ITPR2: variants seen among roughly 807,000 people sequenced by gnomAD.
ITPR2 encodes the protein inositol 1,4,5-trisphosphate-gated calcium channel ITPR2.
In ITPR2, 207 loss-of-function variants were observed where a neutral mutation model predicts 317.1. The ratio of observed to expected loss-of-function variants is 0.65; its 90% CI spans 0.58 to 0.73. The LOEUF is 0.73. Among genes scored for constraint, ITPR2 ranks in the 30% least tolerant of loss-of-function variants. The probability of loss-of-function intolerance (pLI) is 0.00; values close to 1 mark genes in which losing one functional copy is unlikely to be tolerated. For synonymous variants in ITPR2, 1,156 were observed against 1,149.1 expected (o/e 1.01, Z -0.12); for missense variants, 2,613 against 3,284.0 (o/e 0.80, Z 4.99).
chr12:26,608,972 A>G (rs751434961), intron 26 of ITPR2, among the ~76,000 whole-genome samples: 1 of 152,174 alleles, frequency 6.6e-6, no homozygotes, highest in Non-Finnish European at 1.5e-5. Flanking sequence ...ACAGGAAGTG[A>G]AAACAGCAAC....
At chr12:26,555,053 C>A (rs1944625790) in intron 36 of ITPR2, among the ~76,000 whole-genome samples, 1 of 152,156 alleles carries the variant, frequency 6.6e-6, no homozygotes, top group Non-Finnish European at 1.5e-5. Flanking sequence ...TGGACAAATA[C>A]ACTCTTCCCA....
At chr12:26,585,508 G>A (rs1945503326) in intron 32 of ITPR2, among the ~76,000 whole-genome samples, 1 of 152,056 alleles carries the variant, frequency 6.6e-6, no homozygotes, top group Admixed American at 6.6e-5. Flanking sequence ...AGGTTTAAGG[G>A]ATCCTCCTAC....
chr12:26,739,499 T>C (rs1425672256), intron 2 of ITPR2, among the ~76,000 whole-genome samples: 5 of 152,202 alleles, frequency 3.3e-5, no homozygotes, highest in African/African-American at 9.7e-5. Flanking sequence ...GTACTGATCC[T>C]GAACATGGAT....
chr12:26,483,241 C>T (rs1942585941), intron 42 of ITPR2, among the ~76,000 whole-genome samples: 1 of 152,196 alleles, frequency 6.6e-6, no homozygotes, highest in African/African-American at 2.4e-5. Context: ...GATTCTGTCA[C>T]TCTGAAACTC....
intron 34 of ITPR2, among the ~76,000 whole-genome samples, chr12:26,566,980 A>G (rs2137042936): frequency 6.6e-6 from 1 of 152,300 alleles, no homozygotes; most frequent in East Asian, 1.9e-4. Context: ...CTAAACATTC[A>G]AAAATCAAAC....
At chr12:26,497,838 G>C (rs1478937405) in intron 37 of ITPR2, among the ~76,000 whole-genome samples, 1 of 151,676 alleles carries the variant, frequency 6.6e-6, no homozygotes, top group Non-Finnish European at 1.5e-5. Context: ...AGCCTCCCGA[G>C]TAGCTGGGAT....
intron 37 of ITPR2, among the ~76,000 whole-genome samples, chr12:26,506,561 A>T (rs2136903844): frequency 6.6e-6 from 1 of 150,982 alleles, no homozygotes; most frequent in Admixed American, 6.6e-5. Context: ...CACAAAACTC[A>T]TTACCTATGG....
intron 26 of ITPR2, among the ~76,000 whole-genome samples, chr12:26,605,126 A>AATATATATATATATATATATATATAT (rs71069256): frequency 7.3e-6 from 1 of 136,310 alleles, no homozygotes; most frequent in Non-Finnish European, 1.6e-5. Context: ...AAAAAATAAA[A>AATATATATATATATATATATATATAT]ATATATATAT....
At chr12:26,613,563 GAC>G (rs10574347) in intron 26 of ITPR2, among the ~76,000 whole-genome samples, 61,791 of 148,456 alleles carry the variant, frequency 0.42, 12,873 homozygotes, top group African/African-American at 0.5. Flanking sequence ...ATCATACACA[GAC>G]ACACACACAC....
intron 15 of ITPR2, 128 bp from the exon 16 acceptor site, chr12:26,659,413 A>G (rs1592007177): frequency 1.3e-6 from 1 of 779,348 alleles, no homozygotes; most frequent in East Asian, 2.8e-5. Context: ...TCAAAAGAAA[A>G]GCAAGTAAAT....
chr12:26,385,006 T>C (rs1325974654), intron 55 of ITPR2, among the ~76,000 whole-genome samples: 1 of 152,210 alleles, frequency 6.6e-6, no homozygotes, highest in Admixed American at 6.5e-5. Flanking sequence ...AACCATCATT[T>C]ACAGAGAGGA....
Position 26,722,432 on chromosome 12 carries a change from G to A in ITPR2, c.490C>T (p.His164Tyr). Residue 164 changes from histidine (H) to tyrosine (Y), a missense_variant, in exon 5 of 57, where the codon CAT becomes TAT. Physicochemically the swap from His to Tyr is moderately conservative, Grantham distance 83 (BLOSUM62 2). Transcript: ENST00000381340. Reference sequence around the variant, plus strand: ...TCGCTTCTCAGTTTCCAGAACGGATGAATATAAAACCAAGACCCTTCATTT... The same window carrying A: ...TCGCTTCTCAGTTTCCAGAACGGATAAATATAAAACCAAGACCCTTCATTT... ...AGNEGSWFYIHPFWKLRSEGD... is the reference protein window; with the variant it reads ...AGNEGSWFYIYPFWKLRSEGD... 6.2e-7 allele frequency: 1 copy of A among 1,612,472 alleles called. No individual in the cohort carries two copies. Among genetic ancestry groups the A allele is most frequent in the South Asian group, 1.1e-5 (1 of 90,812 alleles).
Position 26,656,367 on chromosome 12 carries a change from G to A in ITPR2, c.2374C>T (p.Gln792Ter). The A allele has an allele frequency of 2.5e-6, 4 of 1,614,158 alleles. No individual in the cohort carries two copies. Among genetic ancestry groups the A allele is most frequent in the Non-Finnish European group, 3.4e-6 (4 of 1,180,034 alleles). ...MLHMHVDRDP[Q>*]ESVVPVRYAR... ...TAGCGAACAGGCACCACGGACTCCTGGGGATCCCGGTCAACGTGCATGTGG... is the reference window on the plus strand; with the variant it reads ...TAGCGAACAGGCACCACGGACTCCTAGGGATCCCGGTCAACGTGCATGTGG... Residue 792 changes from glutamine (Q) to a stop codon, truncating the protein, a stop_gained, in exon 19 of 57, where the codon CAG (glutamine) becomes TAG (stop). Transcript: ENST00000381340. LOFTEE classifies it high-confidence loss of function.
intron 48 of ITPR2, among the ~76,000 whole-genome samples, chr12:26,430,240 C>G (rs1448097188): frequency 6.6e-6 from 1 of 152,210 alleles, no homozygotes; most frequent in Non-Finnish European, 1.5e-5. Flanking sequence ...TAAAAAAGAA[C>G]TGAAGTCTCT....
chr12:26,520,627 C>A (rs1943637800), intron 37 of ITPR2, among the ~76,000 whole-genome samples: 1 of 152,174 alleles, frequency 6.6e-6, no homozygotes, highest in Admixed American at 6.6e-5. Flanking sequence ...GGGGTGAGAT[C>A]TGCTTCATGA....
chr12:26,739,138 A>G (rs934621978), intron 2 of ITPR2, among the ~76,000 whole-genome samples: 1 of 152,250 alleles, frequency 6.6e-6, no homozygotes, highest in African/African-American at 2.4e-5. Context: ...AATGGCTACA[A>G]TTAAAAAGAA....
chr12:26,469,877 C>T (rs925279994), intron 45 of ITPR2, among the ~76,000 whole-genome samples: 1 of 152,324 alleles, frequency 6.6e-6, no homozygotes, highest in East Asian at 1.9e-4. Context: ...CTTGAATGAT[C>T]TGCCAACTTT....
chr12:26,510,203 A>T (rs575960957), intron 37 of ITPR2, among the ~76,000 whole-genome samples: 39 of 152,282 alleles, frequency 2.6e-4, no homozygotes, highest in Admixed American at 5.9e-4. Flanking sequence ...GAGTTTAATT[A>T]ATCTAGCCAC....
At position 26,580,176 on chromosome 12, in the gene ITPR2, C is replaced by T. The variant is rs750108149; in HGVS notation, c.4381-21G>A. 3 of 1,602,698 alleles carry T rather than the reference C, an allele frequency of 1.9e-6. No individual in the cohort carries two copies. The Admixed American group carries it at 5.1e-5, about 27-fold the overall frequency. ...CAAACCTGGAGAGAAAATAAAACAA[C>T]TCAATATGTTTTATCACATTTTTAA... On this transcript the variant is annotated intron_variant, in intron 32 of 56. Coordinates refer to ENST00000381340, the MANE Select transcript of ITPR2 (RefSeq NM_002223.4).
Sources: allele counts gnomAD v4.1 joint callset (sites outside exome capture counted in the v4.1 genomes callset), GRCh38; gene constraint gnomAD v4.1.1; transcripts MANE v1.5; gene names NCBI Gene and HGNC (gene_info 2026-07-23, HGNC 2026-07-21).